AHCYL2: variants seen among roughly 807,000 people sequenced by gnomAD.
The protein encoded by AHCYL2 is adenosylhomocysteinase like 2.
In AHCYL2, 28 loss-of-function variants were observed where a neutral mutation model predicts 81.4. The ratio of observed to expected loss-of-function variants is 0.34; its 90% CI spans 0.25 to 0.47. The LOEUF is 0.47. Among genes scored for constraint, AHCYL2 ranks in the 20% least tolerant of loss-of-function variants. The probability of loss-of-function intolerance (pLI) is 1.00; values close to 1 mark genes in which losing one functional copy is unlikely to be tolerated. For synonymous variants in AHCYL2, 272 were observed against 290.2 expected, an observed-to-expected ratio of 0.94 and a Z score of 0.64; for missense variants, 551 against 785.1, an observed-to-expected ratio of 0.70 and a Z score of 3.56.
intron 1 of AHCYL2, among the ~76,000 whole-genome samples, chr7:129,359,235 GA>G (rs200020655): frequency 4.6e-5 from 7 of 151,866 alleles, no homozygotes; most frequent in African/African-American, 1.4e-4. Flanking sequence ...ACATTAAAAA[GA>G]AAAAAAGACA....
intron 1 of AHCYL2, among the ~76,000 whole-genome samples, chr7:129,366,176 GCTTCCTTTA>G (rs925502165): frequency 2.0e-5 from 3 of 152,072 alleles, no homozygotes; most frequent in African/African-American, 7.2e-5. Flanking sequence ...TATGACCACA[GCTTCCTTTA>G]CTTCTACCTC....
chr7:129,395,314 G>A (rs556835298), intron 4 of AHCYL2, among the ~76,000 whole-genome samples: 1 of 152,142 alleles, frequency 6.6e-6, no homozygotes. Flanking sequence ...CTAAGCACAC[G>A]GTGAGGGCAA....
chr7:129,316,105 CAAA>C (rs1797817725), intron 1 of AHCYL2, among the ~76,000 whole-genome samples: 2 of 152,090 alleles, frequency 1.3e-5, no homozygotes, highest in Non-Finnish European at 2.9e-5. Flanking sequence ...GGGCAGCTAA[CAAA>C]GAAGAATTGT....
Position 129,253,186 on chromosome 7 carries a change from G to T in AHCYL2, c.363+27747G>T, listed in dbSNP as rs150368678. ...TGTACCACTGCACTCCAGCCTGGCCGACAGAGCAAGACTCTGTTTCAAAAA... is the reference window on the plus strand; with the variant it reads ...TGTACCACTGCACTCCAGCCTGGCCTACAGAGCAAGACTCTGTTTCAAAAA... On this transcript the variant is annotated intron_variant, in intron 1 of 16. Coordinates refer to ENST00000325006, the MANE Select transcript of AHCYL2 (RefSeq NM_015328.4). Among the ~76,000 whole-genome samples the T allele has an allele frequency of 3.3e-5, 5 of 151,722 alleles. No homozygotes were observed. In the South Asian group the frequency reaches 1.0e-3, roughly 32 times the overall value.
chr7:129,229,652 G>A (rs947334593), intron 1 of AHCYL2, among the ~76,000 whole-genome samples: 36 of 152,212 alleles, frequency 2.4e-4, no homozygotes, highest in African/African-American at 8.4e-4. Context: ...TCTAAGGCGT[G>A]TCTGTCTGGC....
intron 1 of AHCYL2, among the ~76,000 whole-genome samples, chr7:129,298,882 T>C (rs553844826): frequency 7.5e-4 from 114 of 152,320 alleles, no homozygotes; most frequent in Non-Finnish European, 1.4e-3. Context: ...ATAAAACTTT[T>C]CTTGGTCTAA....
chr7:129,262,895 G>C (rs565080526), intron 1 of AHCYL2, among the ~76,000 whole-genome samples: 5 of 152,306 alleles, frequency 3.3e-5, no homozygotes, highest in Middle Eastern at 6.8e-3. Context: ...AAGGCTACCT[G>C]ATGTGTTTAG....
At chr7:129,259,573 C>T (rs1447674146) in intron 1 of AHCYL2, among the ~76,000 whole-genome samples, 1 of 152,216 alleles carries the variant, frequency 6.6e-6, no homozygotes, top group Non-Finnish European at 1.5e-5. Context: ...CACAATGAGT[C>T]CAGTGATTTT....
At chr7:129,316,724 A>G (rs932732232) in intron 1 of AHCYL2, among the ~76,000 whole-genome samples, 7 of 152,216 alleles carry the variant, frequency 4.6e-5, no homozygotes, top group Admixed American at 1.3e-4. Context: ...TGCTTTATGC[A>G]TTCTCAGTGT....
chr7:129,390,314 G>T (rs1022349207), intron 4 of AHCYL2, among the ~76,000 whole-genome samples: 2 of 152,206 alleles, frequency 1.3e-5, no homozygotes, highest in African/African-American at 4.8e-5. Flanking sequence ...ACAGAAGGAT[G>T]TGCACAGATT....
chr7:129,325,928 CTCTTGACTT>C (rs1007164540), intron 1 of AHCYL2, among the ~76,000 whole-genome samples: 1 of 152,090 alleles, frequency 6.6e-6, no homozygotes, highest in African/African-American at 2.4e-5. Context: ...TGGCCTCAAA[CTCTTGACTT>C]AATGTGATCC....
chr7:129,360,138 G>A (rs1173056017), intron 1 of AHCYL2, among the ~76,000 whole-genome samples: 1 of 147,906 alleles, frequency 6.8e-6, no homozygotes, highest in Admixed American at 6.8e-5. Context: ...TTTTTGAGAC[G>A]GAGTTTTGCT....
chr7:129,392,332 G>T (rs370328712), intron 4 of AHCYL2, among the ~76,000 whole-genome samples: 5 of 152,158 alleles, frequency 3.3e-5, no homozygotes, highest in African/African-American at 1.2e-4. Context: ...AGTTCTGGAG[G>T]CTAGGAAGTC....
rs187527573 is a variant in AHCYL2, at chr7:129,236,389, C to T, written c.363+10950C>T. Among the ~76,000 whole-genome samples, 410 of 151,796 alleles carry T rather than the reference C, an allele frequency of 2.7e-3. 1 individual carries two copies. Among genetic ancestry groups the T allele is most frequent in the African/African-American group, 9.5e-3 (393 of 41,376 alleles). On this transcript the variant is annotated intron_variant, in intron 1 of 16. Transcript: ENST00000325006. The stretch of plus-strand genomic sequence containing the variant: ...CTAATTTTTGTATTTTTCATAGAAA[C>T]GAGGTTTCACGGTGTTGCCCAGGAT...
rs1373428619 is a variant in AHCYL2, at chr7:129,426,483, C to A, written c.1749C>A (p.Ala583=). 1 of 1,614,062 alleles carries A rather than the reference C, an allele frequency of 6.2e-7. No individual in the cohort carries two copies. Among genetic ancestry groups the A allele is most frequent in the Non-Finnish European group, 8.5e-7 (1 of 1,179,984 alleles). Residue 583 remains alanine (A), a synonymous_variant, in exon 16 of 17, where the codon GCC becomes GCA. Coordinates refer to ENST00000325006, the MANE Select transcript of AHCYL2 (RefSeq NM_015328.4). This position sits in a 1 kb window ranked among gnomAD's most constrained non-coding sequence, Gnocchi z 4.3. Reference sequence around the variant, plus strand: ...GCCTACACCTGCCTACCTTTGATGCCCACTTGACAGAGCTGACAGATGAAC... The same window carrying A: ...GCCTACACCTGCCTACCTTTGATGCACACTTGACAGAGCTGACAGATGAAC... ...VASLHLPTFD[A]HLTELTDEQA...
At chr7:129,303,993 G>T (rs1029131163) in intron 1 of AHCYL2, among the ~76,000 whole-genome samples, 3 of 151,966 alleles carry the variant, frequency 2.0e-5, no homozygotes. Flanking sequence ...AGGCTGAGGC[G>T]CAAGACTCAC....
chr7:129,225,091 T>A lies in AHCYL2; in HGVS notation c.15T>A (p.Val5=). Residue 5 remains valine (V), a synonymous_variant, in exon 1 of 17, where the codon GTT becomes GTA. Transcript: ENST00000325006. MSVQ[V]VSAAAAAKVP... ...CGGAGGCGGTGATGTCGGTGCAGGT[T>A]GTGTCAGCCGCGGCTGCCGCCAAGG... The A allele has an allele frequency of 6.3e-7, 1 of 1,595,740 alleles. No homozygotes were observed. Among genetic ancestry groups the A allele is most frequent in the Non-Finnish European group, 8.5e-7 (1 of 1,172,422 alleles).
intron 1 of AHCYL2, among the ~76,000 whole-genome samples, chr7:129,325,365 ATGGTTTC>A (rs1371059381): frequency 3.3e-5 from 5 of 152,260 alleles, no homozygotes; most frequent in Admixed American, 2.0e-4. Flanking sequence ...TGTCACTTGC[ATGGTTTC>A]CTATGAGAAG....
chr7:129,300,282 C>A lies in AHCYL2; in HGVS notation c.363+74843C>A, dbSNP rs532952421. 4.6e-5 allele frequency among the ~76,000 whole-genome samples: 7 copies of A among 152,260 alleles called. No homozygotes were observed. In the East Asian group the frequency reaches 7.7e-4, roughly 17 times the overall value. On this transcript the variant is annotated intron_variant, in intron 1 of 16. Coordinates refer to ENST00000325006, the MANE Select transcript of AHCYL2 (RefSeq NM_015328.4). ...ACCCATGAGCCATCCCCGCCTCCCC[C>A]CCAGCCTCCTCACTACCCTTCCCAA...
Sources: allele counts gnomAD v4.1 joint callset (sites outside exome capture counted in the v4.1 genomes callset), GRCh38; gene constraint gnomAD v4.1.1; non-coding constraint Gnocchi (gnomAD v3.1); transcripts MANE v1.5; gene names NCBI Gene and HGNC (gene_info 2026-07-23, HGNC 2026-07-21).